The following ECE1 variants were observed in gnomAD, a reference collection of about 807,000 sequenced individuals.
ECE1 encodes endothelin-converting enzyme 1.
In ECE1, 35 loss-of-function variants were observed where a neutral mutation model predicts 98.6. The ratio of observed to expected loss-of-function variants is 0.35; its 90% CI spans 0.27 to 0.47. The LOEUF (loss-of-function observed/expected upper bound fraction) is 0.47. Among genes scored for constraint, ECE1 ranks in the 20% least tolerant of loss-of-function variants. The probability of loss-of-function intolerance (pLI) is 1.00; values close to 1 mark genes in which losing one functional copy is unlikely to be tolerated. For synonymous variants in ECE1, 394 were observed against 407.1 expected, an observed-to-expected ratio of 0.97 and a Z score of 0.39; for missense variants, 814 against 1,025.3, an observed-to-expected ratio of 0.79 and a Z score of 2.81.
intron 1 of ECE1, among the ~76,000 whole-genome samples, chr1:21,310,303 C>T (rs12746281): frequency 0.076 from 11,501 of 152,206 alleles, 592 homozygotes; most frequent in Middle Eastern, 0.14. Flanking sequence ...CCAGAGAATT[C>T]GGCCAGGCTT....
Position 21,279,260 on chromosome 1 carries a change from C to A in ECE1, c.211G>T (p.Val71Leu). 1 of 1,614,240 alleles carries A rather than the reference C, an allele frequency of 6.2e-7. No individual in the cohort carries two copies. Among genetic ancestry groups the A allele is most frequent in the Non-Finnish European group, 8.5e-7 (1 of 1,180,050 alleles). ...CCTGCCGCCAGAAGTACCACCAACA[C>A]CACCAGCCGCTTCTCCACCTGGGTC... ...ARTQVEKRLV[V>L]LVVLLAAGLV... Residue 71 changes from valine to leucine, a missense_variant, in exon 3 of 19, where the codon GTG becomes TTG. Val to Leu is a conservative substitution (Grantham distance 32). Around this residue, in one of 3 missense-constraint regions of ECE1, gnomAD observed 257 missense variants for 278.9 expected, o/e 0.92. Coordinates refer to ENST00000374893, the MANE Select transcript of ECE1 (RefSeq NM_001397.3).
chr1:21,287,556 G>A (rs1460520956), intron 2 of ECE1, among the ~76,000 whole-genome samples: 2 of 152,092 alleles, frequency 1.3e-5, no homozygotes, highest in African/African-American at 4.8e-5. Context: ...AATAAATAAA[G>A]TTGAGAGAGA....
chr1:21,305,127 C>A (rs1278598870), intron 1 of ECE1, among the ~76,000 whole-genome samples: 1 of 152,232 alleles, frequency 6.6e-6, no homozygotes, highest in African/African-American at 2.4e-5. Context: ...ATTCAACCCT[C>A]CTTTGCACTA....
In ECE1 at chr1:21,260,194, G is replaced by T; in HGVS notation, c.615+77C>A. On this transcript the variant is annotated intron_variant, in intron 5 of 18. Transcript: ENST00000374893. This position sits in a 1 kb window ranked among gnomAD's most constrained non-coding sequence, Gnocchi z 4.3. ...CGTATGAGGTGGGCCAGTGGTACCAGAAGGCTGGAGTGGAAGCCAGGGGGC... is the reference window on the plus strand; with the variant it reads ...CGTATGAGGTGGGCCAGTGGTACCATAAGGCTGGAGTGGAAGCCAGGGGGC... The T allele has an allele frequency of 6.2e-7, 1 of 1,607,528 alleles. No homozygotes were observed. Among genetic ancestry groups the T allele is most frequent in the Non-Finnish European group, 8.5e-7 (1 of 1,174,528 alleles).
chr1:21,239,138 C>T (rs751423588), intron 10 of ECE1, among the ~76,000 whole-genome samples: 22 of 152,044 alleles, frequency 1.4e-4, no homozygotes, highest in African/African-American at 1.9e-4. Context: ...TGGCTCACCG[C>T]GGGATTGCAA....
At chr1:21,298,243 G>A (rs763866516) in intron 1 of ECE1, 5 of 165,062 alleles carry the variant, frequency 3.0e-5, no homozygotes, top group Admixed American at 1.1e-4. Context: ...CCTCCCTCCC[G>A]ACTCCCTCAG....
At chr1:21,240,965 C>A (rs2098195372) in intron 10 of ECE1, among the ~76,000 whole-genome samples, 1 of 152,228 alleles carries the variant, frequency 6.6e-6, no homozygotes, top group East Asian at 1.9e-4. Context: ...TGTGCTAGGT[C>A]TTTCGAAGCT....
Position 21,218,332 on chromosome 1 carries a change from TC to T in ECE1, c.*1622del, listed in dbSNP as rs2098163357. 6.6e-6 allele frequency: 1 copy of T among 152,400 alleles called. No homozygotes were observed. Among genetic ancestry groups the T allele is most frequent in the African/African-American group, 2.4e-5 (1 of 41,456 alleles). 9.4% of individuals were successfully genotyped at this position (152,400 alleles called of 1,614,324 possible). On this transcript the variant is annotated 3_prime_UTR_variant, in exon 19 of 19. Transcript: ENST00000374893. This position sits in a 1 kb window ranked among gnomAD's most constrained non-coding sequence, Gnocchi z 4.0. ...GACCTGCCGGCCAGAGCTCCTGGGC[TC>T]CCGTGGAGGTTAGCCCTGCAGGCAC...
intron 1 of ECE1, among the ~76,000 whole-genome samples, chr1:21,297,523 T>C (rs972171861): frequency 7.9e-6 from 1 of 125,928 alleles, no homozygotes; most frequent in Admixed American, 7.5e-5. Context: ...CTTTCTTTTT[T>C]CTTTTTCTTT....
intron 9 of ECE1, among the ~76,000 whole-genome samples, chr1:21,246,110 T>A (rs10916954): frequency 0.012 from 1,791 of 152,096 alleles, 40 homozygotes; most frequent in African/African-American, 0.041. Flanking sequence ...TTAAAAAAAT[T>A]TTAACAAGTA....
chr1:21,283,274 A>T (rs547353296), intron 2 of ECE1, among the ~76,000 whole-genome samples: 24 of 121,438 alleles, frequency 2.0e-4, no homozygotes, highest in East Asian at 1.1e-3. Flanking sequence ...AATTTTTTTT[A>T]AATTTTTTTT....
intron 1 of ECE1, among the ~76,000 whole-genome samples, chr1:21,324,813 AC>A (rs1639041280): frequency 6.6e-6 from 1 of 152,154 alleles, no homozygotes; most frequent in Admixed American, 6.5e-5. Context: ...TCCTTCCCCA[AC>A]CGAGTGTGTC....
At position 21,257,436 on chromosome 1, in the gene ECE1, G is replaced by A. The variant is rs2098221240; in HGVS notation, c.828+89C>T. On this transcript the variant is annotated intron_variant, in intron 7 of 18. Transcript: ENST00000374893. ...TCACTGACACCCCTGGGCTCCCCTA[G>A]CTTCAAAGACCTGCACAGGTGTGGG... 7 of 1,475,146 alleles carry A rather than the reference G, an allele frequency of 4.7e-6. No homozygotes were observed. The Admixed American group carries it at 9.4e-5, about 20-fold the overall frequency. The allele number at this position is 1,475,146 out of a possible 1,614,324, so 91.4% of individuals were successfully genotyped here.
At chr1:21,310,400 G>T (rs554074058) in intron 1 of ECE1, among the ~76,000 whole-genome samples, 2 of 152,248 alleles carry the variant, frequency 1.3e-5, no homozygotes, top group African/African-American at 4.8e-5. Context: ...AACTCTGATT[G>T]GCCAGGCCTG....
intron 9 of ECE1, among the ~76,000 whole-genome samples, chr1:21,245,326 T>C (rs772720851): frequency 7.9e-5 from 12 of 152,188 alleles, no homozygotes; most frequent in Non-Finnish European, 1.6e-4. Flanking sequence ...CAGTGTTGAG[T>C]GCAGTCACTT....
rs770615128 is a variant in ECE1 at position 21,220,177 on chromosome 1, C to T, written c.2137-46G>A. On this transcript the variant is annotated intron_variant, in intron 18 of 18. Transcript: ENST00000374893. The surrounding 1 kb of genome is among the most constrained non-coding windows in gnomAD (Gnocchi z 5.0). ...GAGGCCAGGGTCACTGTGGGGCCCT[C>T]GGGCTGCCAGACTGCCCCCATTATA... The T allele has an allele frequency of 5.1e-6, 8 of 1,572,782 alleles. No individual in the cohort carries two copies. The highest frequency in any genetic ancestry group is 2.4e-5 in the South Asian group (2 of 84,714).
intron 1 of ECE1, among the ~76,000 whole-genome samples, chr1:21,308,838 G>A (rs1157720528): frequency 4.6e-5 from 7 of 152,160 alleles, no homozygotes; most frequent in Non-Finnish European, 8.8e-5. Flanking sequence ...CTTCCTGCCT[G>A]CCCAGGGTTT....
chr1:21,254,265 G>T (rs189437819), intron 8 of ECE1, among the ~76,000 whole-genome samples: 2 of 151,860 alleles, frequency 1.3e-5, no homozygotes, highest in Non-Finnish European at 2.9e-5. Flanking sequence ...ATTTCCTAAA[G>T]ATCTTAATTG....
chr1:21,323,444 G>A (rs58940854), intron 1 of ECE1, among the ~76,000 whole-genome samples: 1,563 of 152,186 alleles, frequency 0.01, 28 homozygotes, highest in African/African-American at 0.035. Context: ...GACAGATATA[G>A]CAGGAAACAA....
Sources: allele counts gnomAD v4.1 joint callset (sites outside exome capture counted in the v4.1 genomes callset), GRCh38; gene constraint gnomAD v4.1.1; regional missense constraint gnomAD v4.1.1; non-coding constraint Gnocchi (gnomAD v3.1); transcripts MANE v1.5; gene names NCBI Gene and HGNC (gene_info 2026-07-23, HGNC 2026-07-21).